GRAMD2B: variants seen among roughly 807,000 people sequenced by gnomAD.
The protein encoded by GRAMD2B is GRAM domain containing 2B.
In GRAMD2B, 41 loss-of-function variants were observed where a neutral mutation model predicts 59.2. The observed-to-expected ratio is 0.69, with a 90% CI of 0.54 to 0.90. The LOEUF is 0.90. Ranked by LOEUF, GRAMD2B falls within the 40% of genes least tolerant of loss-of-function variation. The probability of loss-of-function intolerance (pLI) is 0.00; values close to 1 mark genes in which losing one functional copy is unlikely to be tolerated. For synonymous variants in GRAMD2B, 161 were observed against 182.7 expected, an observed-to-expected ratio of 0.88 and a Z score of 0.96; for missense variants, 424 against 500.5, an observed-to-expected ratio of 0.85 and a Z score of 1.46.
At chr5:126,458,722 A>G (rs1766802117) in intron 1 of GRAMD2B, 1 of 152,090 alleles carries the variant, frequency 6.6e-6, no homozygotes, top group African/African-American at 2.4e-5. Context: ...TTCCCTATTA[A>G]CTGCCTGTAA....
chr5:126,448,514 G>A (rs932695341), intron 1 of GRAMD2B, among the ~76,000 whole-genome samples: 2 of 152,132 alleles, frequency 1.3e-5, no homozygotes, highest in African/African-American at 4.8e-5. Context: ...AGGAGGAGAA[G>A]GAATGATATG....
intron 1 of GRAMD2B, among the ~76,000 whole-genome samples, chr5:126,407,318 CTA>C (rs1339979252): frequency 4.6e-5 from 7 of 151,918 alleles, no homozygotes; most frequent in African/African-American, 1.7e-4. Context: ...AAAAGAGTCT[CTA>C]TTATAAACAT....
chr5:126,457,354 C>A (rs1035504543), intron 1 of GRAMD2B, among the ~76,000 whole-genome samples: 1 of 152,042 alleles, frequency 6.6e-6, no homozygotes, highest in Non-Finnish European at 1.5e-5. Flanking sequence ...TAGGTCTTGG[C>A]CAGGCACTGT....
chr5:126,492,029 G>A (rs375321638), intron 13 of GRAMD2B, among the ~76,000 whole-genome samples: 3 of 152,114 alleles, frequency 2.0e-5, no homozygotes, highest in Admixed American at 6.5e-5. Flanking sequence ...CACAGCACCC[G>A]GCTTCTATGA....
chr5:126,409,613 G>A (rs1285968837), intron 1 of GRAMD2B, among the ~76,000 whole-genome samples: 6 of 152,094 alleles, frequency 3.9e-5, no homozygotes, highest in Admixed American at 2.0e-4. Context: ...AGTAGGTTGC[G>A]AAAATTTTCT....
chr5:126,450,224 G>T (rs1332459540), intron 1 of GRAMD2B, among the ~76,000 whole-genome samples: 1 of 152,138 alleles, frequency 6.6e-6, no homozygotes, highest in Admixed American at 6.5e-5. Context: ...CTCCACGGGG[G>T]TGGAGAGGGG....
intron 1 of GRAMD2B, chr5:126,360,552 G>C: frequency 8.1e-7 from 1 of 1,236,738 alleles, no homozygotes; most frequent in Non-Finnish European, 1.1e-6. Flanking sequence ...TAAGGACAGA[G>C]TGTCTCCACA....
At chr5:126,423,927 C>T (rs1234047498) in intron 1 of GRAMD2B, among the ~76,000 whole-genome samples, 4 of 152,222 alleles carry the variant, frequency 2.6e-5, no homozygotes, top group Non-Finnish European at 5.9e-5. Flanking sequence ...TAATTCAAAA[C>T]TCACTGGATG....
chr5:126,414,265 ATGTC>A (rs1759076321), intron 1 of GRAMD2B, among the ~76,000 whole-genome samples: 2 of 152,170 alleles, frequency 1.3e-5, no homozygotes, highest in African/African-American at 4.8e-5. Context: ...TATAAGACCA[ATGTC>A]TGTCTATTTC....
chr5:126,483,572 G>T lies in GRAMD2B; in HGVS notation c.845G>T (p.Arg282Leu), dbSNP rs778168754. Residue 282 changes from arginine to leucine, a missense_variant and splice_region_variant, in exon 9 of 14, where the codon CGA becomes CTA. Coordinates refer to ENST00000285689, the MANE Select transcript of GRAMD2B (RefSeq NM_023927.4). Reference protein sequence around the residue: ...GSQTPESENSRDFHATESQTV... With the variant: ...GSQTPESENSLDFHATESQTV... ...CAAACTCCTGAATCTGAGAACTCTCGAGGTTTGGGAAATTGTTGTATTTTG... is the reference window on the plus strand; with the variant it reads ...CAAACTCCTGAATCTGAGAACTCTCTAGGTTTGGGAAATTGTTGTATTTTG... 24 of 1,570,564 alleles carry T rather than the reference G, an allele frequency of 1.5e-5. No homozygotes were observed. Among genetic ancestry groups the T allele is most frequent in the Non-Finnish European group, 2.1e-5 (24 of 1,142,900 alleles).
At chr5:126,390,655 T>C (rs1024044140) in intron 1 of GRAMD2B, among the ~76,000 whole-genome samples, 1 of 152,222 alleles carries the variant, frequency 6.6e-6, no homozygotes, top group Admixed American at 6.5e-5. Flanking sequence ...CTTTCATAAA[T>C]GCAGCTGGAA....
chr5:126,477,920 C>A, intron 6 of GRAMD2B, 133 bp downstream of exon 6: 1 of 640,864 alleles, frequency 1.6e-6, no homozygotes, highest in Non-Finnish European at 2.8e-6. Context: ...CAGGAAAATT[C>A]CATAAGACTA....
intron 8 of GRAMD2B, among the ~76,000 whole-genome samples, chr5:126,481,125 A>C (rs1340736935): frequency 1.3e-5 from 2 of 151,878 alleles, no homozygotes; most frequent in Admixed American, 1.3e-4. Flanking sequence ...GGAAAAATTA[A>C]AACTAATTTA....
intron 9 of GRAMD2B, 44 bp from the exon 10 acceptor site, chr5:126,484,358 T>G: frequency 6.3e-7 from 1 of 1,581,574 alleles, no homozygotes; most frequent in Non-Finnish European, 8.6e-7. Flanking sequence ...TGTTTTTAAA[T>G]ACATTGGAGA....
chr5:126,446,911 C>T (rs993129921), intron 1 of GRAMD2B, among the ~76,000 whole-genome samples: 2 of 152,090 alleles, frequency 1.3e-5, no homozygotes, highest in African/African-American at 4.8e-5. Context: ...CTTTCCTTTC[C>T]GTTTCTTGGA....
chr5:126,471,733 C>A (rs1275079264), intron 3 of GRAMD2B, among the ~76,000 whole-genome samples: 1 of 152,134 alleles, frequency 6.6e-6, no homozygotes, highest in Non-Finnish European at 1.5e-5. Context: ...CTGTTTTTGC[C>A]CTCTGGTACA....
intron 1 of GRAMD2B, among the ~76,000 whole-genome samples, chr5:126,382,890 T>C (rs1755783126): frequency 6.6e-6 from 1 of 152,130 alleles, no homozygotes; most frequent in African/African-American, 2.4e-5. Flanking sequence ...GGCGATTCCT[T>C]GATGTAGTAC....
chr5:126,386,582 T>C (rs1390138376), intron 1 of GRAMD2B, among the ~76,000 whole-genome samples: 2 of 152,322 alleles, frequency 1.3e-5, no homozygotes, highest in African/African-American at 4.8e-5. Flanking sequence ...GGGACCATCA[T>C]GGAGGCTGGC....
upstream of GRAMD2B, among the ~76,000 whole-genome samples, chr5:126,420,054 C>CAAAAAAAAAAA (rs386404926): frequency 2.9e-5 from 3 of 103,614 alleles, no homozygotes; most frequent in Non-Finnish European, 5.6e-5. Flanking sequence ...GACTCTTTCT[C>CAAAAAAAAAAA]AAAAAAAAAA....
Sources: allele counts gnomAD v4.1 joint callset (sites outside exome capture counted in the v4.1 genomes callset), GRCh38; gene constraint gnomAD v4.1.1; transcripts MANE v1.5; gene names NCBI Gene and HGNC (gene_info 2026-07-23, HGNC 2026-07-21).